NTM: variants seen among roughly 807,000 people sequenced by gnomAD.
NTM encodes neurotrimin.
A neutral mutation model predicts 42.1 loss-of-function variants in NTM; 13 were observed. That is an observed-to-expected ratio of 0.31 (90% CI 0.20 to 0.49). The LOEUF (loss-of-function observed/expected upper bound fraction) is 0.49, where lower values mean the gene tolerates loss of function less well. NTM is among the 20% of genes least tolerant of loss of function. The pLI is 0.99. For missense variants in NTM, 373 were observed against 452.8 expected, an observed-to-expected ratio of 0.82 and a Z score of 1.60; for synonymous variants, 187 against 179.2, an observed-to-expected ratio of 1.04 and a Z score of -0.35.
chr11:131,431,054 C>T (rs1342554799), intron 1 of NTM, among the ~76,000 whole-genome samples: 1 of 152,238 alleles, frequency 6.6e-6, no homozygotes, highest in African/African-American at 2.4e-5. Context: ...CACACAGTGT[C>T]GCAGAGACCT....
At chr11:132,302,725 A>AAGAC (rs1296710245) in intron 4 of NTM, among the ~76,000 whole-genome samples, 2 of 152,228 alleles carry the variant, frequency 1.3e-5, no homozygotes, top group African/African-American at 4.8e-5. Context: ...TGTGCAGCAC[A>AAGAC]AGACAGCTAC....
intron 1 of NTM, among the ~76,000 whole-genome samples, chr11:131,467,797 G>A (rs1194292907): frequency 6.6e-6 from 1 of 152,164 alleles, no homozygotes; most frequent in Non-Finnish European, 1.5e-5. Flanking sequence ...GTCTAGACAG[G>A]CTAAAAGCCA....
chr11:132,273,521 T>G (rs1380817054), intron 4 of NTM, among the ~76,000 whole-genome samples: 1 of 152,104 alleles, frequency 6.6e-6, no homozygotes, highest in Non-Finnish European at 1.5e-5. Flanking sequence ...TTTTGTGACT[T>G]TACCAGTGAT....
chr11:132,175,040 G>A (rs1157727223), intron 3 of NTM, among the ~76,000 whole-genome samples: 1 of 152,180 alleles, frequency 6.6e-6, no homozygotes, highest in Non-Finnish European at 1.5e-5. Flanking sequence ...GCTGGAGGGA[G>A]TTTAGCAGCA....
intron 2 of NTM, among the ~76,000 whole-genome samples, chr11:131,916,452 G>A (rs2056388883): frequency 6.6e-6 from 1 of 152,180 alleles, no homozygotes; most frequent in Admixed American, 6.5e-5. Flanking sequence ...CTTAGCGATT[G>A]GATGATGTTG....
chr11:132,118,040 A>G (rs926763570), intron 2 of NTM, among the ~76,000 whole-genome samples: 1 of 152,226 alleles, frequency 6.6e-6, no homozygotes, highest in East Asian at 1.9e-4. Flanking sequence ...GCCTGCCTCC[A>G]TGTCATAGTA....
rs1565687015 is a variant in NTM at position 131,598,878 on chromosome 11, TCCTTC to T, written c.82+227992_82+227996del. Among the ~76,000 whole-genome samples the T allele has an allele frequency of 2.6e-3, 188 of 73,294 alleles. 21 individuals are homozygous for T. Among genetic ancestry groups the T allele is most frequent in the African/African-American group, 0.013 (182 of 13,902 alleles). The allele number at this position is 73,294 out of a possible 152,430, so 48.1% of individuals were successfully genotyped here. A position where few individuals can be genotyped will look rare whatever the true frequency, so the allele number is the denominator to read the frequency against. ...CTTCCTTCCTTCCTTCCTTCCTTCT[TCCTTC>T]CTTCCTTCCTTCCTTCCTTCCTTCC... On this transcript the variant is annotated intron_variant, in intron 1 of 8. Transcript: ENST00000683400.
intron 4 of NTM, among the ~76,000 whole-genome samples, chr11:132,283,645 G>C (rs1160313990): frequency 6.6e-6 from 1 of 152,186 alleles, no homozygotes; most frequent in Non-Finnish European, 1.5e-5. Context: ...TGAAAGAAAA[G>C]AAGCATCCAG....
chr11:131,572,489 T>C (rs1469530344), intron 1 of NTM, among the ~76,000 whole-genome samples: 3 of 152,176 alleles, frequency 2.0e-5, no homozygotes, highest in African/African-American at 7.2e-5. Context: ...TTCCTTCCCT[T>C]TGTCTTCCTT....
chr11:131,380,577 A>C (rs1444094899), intron 1 of NTM, among the ~76,000 whole-genome samples: 1 of 152,000 alleles, frequency 6.6e-6, no homozygotes, highest in Non-Finnish European at 1.5e-5. Context: ...TCATATCCAC[A>C]ACCTGTTAGT....
intron 1 of NTM, among the ~76,000 whole-genome samples, chr11:131,640,040 T>C (rs1459355985): frequency 6.6e-6 from 1 of 152,146 alleles, no homozygotes; most frequent in African/African-American, 2.4e-5. Context: ...TCTGGTTCTA[T>C]TGAGCTAGGA....
intron 1 of NTM, among the ~76,000 whole-genome samples, chr11:131,560,501 G>T (rs1430914707): frequency 1.3e-5 from 2 of 152,228 alleles, no homozygotes; most frequent in Admixed American, 1.3e-4. Flanking sequence ...ACCTTTTGTG[G>T]AATTTATTTT....
At chr11:131,720,961 T>G (rs930332653) in intron 1 of NTM, among the ~76,000 whole-genome samples, 3 of 152,344 alleles carry the variant, frequency 2.0e-5, no homozygotes, top group Admixed American at 6.5e-5. Flanking sequence ...ATTATTATTA[T>G]TATCATCCTT....
At chr11:131,386,222 G>A (rs1158377075) in intron 1 of NTM, among the ~76,000 whole-genome samples, 1 of 152,156 alleles carries the variant, frequency 6.6e-6, no homozygotes, top group Non-Finnish European at 1.5e-5. Context: ...AGACACCAAA[G>A]GACCGATAAG....
intron 2 of NTM, among the ~76,000 whole-genome samples, chr11:132,128,291 ATAG>A (rs995826868): frequency 1.4e-4 from 22 of 152,322 alleles, no homozygotes; most frequent in Middle Eastern, 3.4e-3. Flanking sequence ...CACAAATTAA[ATAG>A]TAGAGCAATT....
At chr11:132,202,428 A>T (rs1177398194) in intron 3 of NTM, among the ~76,000 whole-genome samples, 2 of 152,176 alleles carry the variant, frequency 1.3e-5, no homozygotes, top group Non-Finnish European at 2.9e-5. Flanking sequence ...AAAGCCAGTC[A>T]TATAGCCCCA....
chr11:131,557,607 A>G lies in NTM; in HGVS notation c.82+186719A>G, dbSNP rs190685581. On this transcript the variant is annotated intron_variant, in intron 1 of 8. Coordinates refer to ENST00000683400, the MANE Select transcript of NTM (RefSeq NM_001352005.2). ...GAAGACACATTTTTAAATTAATATGACTATGCTGTATCAACTCTGTGATGT... is the reference window on the plus strand; with the variant it reads ...GAAGACACATTTTTAAATTAATATGGCTATGCTGTATCAACTCTGTGATGT... Among the ~76,000 whole-genome samples the G allele has an allele frequency of 5.9e-5, 9 of 152,304 alleles. No homozygotes were observed. The East Asian group carries it at 7.7e-4, about 13-fold the overall frequency.
intron 2 of NTM, among the ~76,000 whole-genome samples, chr11:132,070,150 C>T (rs1250665585): frequency 1.6e-4 from 24 of 145,680 alleles, no homozygotes; most frequent in Admixed American, 8.2e-4. Context: ...CAAGTTAACA[C>T]GTCAAACTGA....
chr11:131,660,708 A>T (rs545984315), intron 1 of NTM: 2 of 419,050 alleles, frequency 4.8e-6, no homozygotes, highest in East Asian at 1.4e-4. Context: ...GGTGGTGAAG[A>T]GGGACGGAGG....
Sources: allele counts gnomAD v4.1 joint callset (sites outside exome capture counted in the v4.1 genomes callset), GRCh38; gene constraint gnomAD v4.1.1; transcripts MANE v1.5; gene names NCBI Gene and HGNC (gene_info 2026-07-23, HGNC 2026-07-21).